TGDS: variants seen among roughly 807,000 people sequenced by gnomAD.
TGDS encodes the protein TDP-glucose 4,6-dehydratase, also known as UDP-D-glucose 4,6-dehydratase.
TGDS carries 47 observed loss-of-function variants against 52.3 expected under a neutral mutation model. The observed-to-expected ratio is 0.90, with a 90% confidence interval of 0.71 to 1.15. The LOEUF (loss-of-function observed/expected upper bound fraction) is 1.15. Among genes scored for constraint, TGDS ranks in the 50% most tolerant of loss-of-function variants. The probability of loss-of-function intolerance (pLI) is 0.00; values close to 1 mark genes in which losing one functional copy is unlikely to be tolerated. For missense variants in TGDS, 375 were observed against 418.4 expected (o/e 0.90, Z 0.90); for synonymous variants, 115 against 136.9 (o/e 0.84, Z 1.12).
chr13:94,590,976 GT>G, intron 3 of TGDS, 33 bp from the exon 4 acceptor site: 2 of 1,450,360 alleles, frequency 1.4e-6, no homozygotes, highest in Non-Finnish European at 1.9e-6. Flanking sequence ...AAGGGCCTAG[GT>G]TTCATACAGC....
intron 4 of TGDS, among the ~76,000 whole-genome samples, chr13:94,589,319 C>CTTTT (rs36115215): frequency 2.7e-5 from 4 of 146,610 alleles, no homozygotes; most frequent in African/African-American, 7.5e-5. Context: ...CAAAAGATTT[C>CTTTT]TTTTTTTTTT....
chr13:94,586,756 T>A (rs995696794), intron 4 of TGDS, among the ~76,000 whole-genome samples: 12 of 109,822 alleles, frequency 1.1e-4, no homozygotes, highest in East Asian at 2.0e-4. Context: ...AAATTATTTT[T>A]TTTTTTTTTT....
chr13:94,590,830 CTG>C (rs1334892650), intron 4 of TGDS, 21 bp downstream of exon 4: 1 of 1,534,506 alleles, frequency 6.5e-7, no homozygotes, highest in Non-Finnish European at 8.7e-7. Flanking sequence ...CCAATCATAA[CTG>C]TAACATAAAA....
intron 1 of TGDS, 122 bp downstream of exon 1, chr13:94,595,929 C>G (rs995823623): frequency 7.4e-5 from 80 of 1,080,458 alleles, no homozygotes; most frequent in Non-Finnish European, 1.0e-4. Flanking sequence ...CATTAGGACC[C>G]TCCCCATATC....
At chr13:94,594,834 T>C (rs1889322691) in intron 1 of TGDS, among the ~76,000 whole-genome samples, 1 of 152,118 alleles carries the variant, frequency 6.6e-6, no homozygotes, top group Non-Finnish European at 1.5e-5. Context: ...TTCCCACTTC[T>C]TCCACTAGCC....
At chr13:94,579,305 CAA>C (rs1006016330) in intron 7 of TGDS, 7 of 152,504 alleles carry the variant, frequency 4.6e-5, no homozygotes, top group African/African-American at 1.7e-4. Flanking sequence ...GCAGAGTAGC[CAA>C]AGTTATATAA....
intron 4 of TGDS, among the ~76,000 whole-genome samples, chr13:94,586,758 T>C (rs866462691): frequency 0.13 from 18,308 of 141,214 alleles, 3,360 homozygotes; most frequent in African/African-American, 0.43. Context: ...ATTATTTTTT[T>C]TTTTTTTTTT....
chr13:94,592,232 T>C lies in TGDS; in HGVS notation c.222+9A>G. The C allele has an allele frequency of 6.3e-7, 1 of 1,593,598 alleles. No individual in the cohort carries two copies. On this transcript the variant is annotated intron_variant, in intron 3 of 11. Transcript: ENST00000261296. ...GAGGCACGGTACAGTTACAAGAAAA[T>C]GTTCATACCTGTATAAATTTGTAGT...
At chr13:94,586,840 C>T (rs1889006905) in intron 4 of TGDS, among the ~76,000 whole-genome samples, 1 of 149,998 alleles carries the variant, frequency 6.7e-6, no homozygotes, top group Admixed American at 6.7e-5. Context: ...CTCACTGCAA[C>T]CGCCACCTCT....
chr13:94,578,748 A>G lies in TGDS; in HGVS notation c.641T>C (p.Leu214Pro). 1 of 1,531,946 alleles carries G rather than the reference A, an allele frequency of 6.5e-7. No homozygotes were observed. Among genetic ancestry groups the G allele is most frequent in the South Asian group, 1.1e-5 (1 of 88,320 alleles). 94.9% of individuals were successfully genotyped at this position (1,531,946 alleles called of 1,614,324 possible). A position where few individuals can be genotyped will look rare whatever the true frequency, so the allele number is the denominator to read the frequency against. Residue 214 changes from leucine (L) to proline (P), a missense_variant, in exon 8 of 12, where the codon CTA (leucine) becomes CCA (proline). Coordinates refer to ENST00000261296, the MANE Select transcript of TGDS (RefSeq NM_014305.4). ...EKVIPKFISL[L>P]QHNRKCCIHG... ...AACATACCATTTCCTGTTGTGCTGT[A>G]GCAAAGATATAAATTTTGGAATAAC... is the stretch of plus-strand genomic sequence containing the variant.
Position 94,578,014 on chromosome 13 carries a change from T to G in TGDS, c.816A>C (p.Leu272=). Residue 272 remains leucine, a synonymous_variant, in exon 9 of 12, where the codon CTA becomes CTC. Transcript: ENST00000261296. ...EMSVVQLAKE[L]IQLIKETNSE... ...TAAAACAGATACATACCAGTTGTAT[T>G]AGTTCTTTGGCAAGCTGGACAACTG... 1 of 1,613,730 alleles carries G rather than the reference T, an allele frequency of 6.2e-7. No homozygotes were observed. The highest frequency in any genetic ancestry group is 8.5e-7 in the Non-Finnish European group (1 of 1,179,794).
intron 1 of TGDS, 65 bp from the exon 2 acceptor site, chr13:94,593,972 C>T: frequency 9.6e-7 from 1 of 1,042,606 alleles, no homozygotes; most frequent in Non-Finnish European, 1.4e-6. Context: ...TGAATATTTT[C>T]CTAAGGTGTT....
At chr13:94,578,885 A>G in intron 7 of TGDS, 112 bp from the exon 8 acceptor site, 4 of 580,240 alleles carry the variant, frequency 6.9e-6, no homozygotes, top group Non-Finnish European at 1.2e-5. Context: ...GATTGCTTCT[A>G]ATTATTTTTA....
Position 94,574,509 on chromosome 13 carries a change from T to C in TGDS, c.*273A>G, listed in dbSNP as rs1888527223. 4 of 301,150 alleles carry C rather than the reference T, an allele frequency of 1.3e-5. No individual in the cohort carries two copies. In the South Asian group the frequency reaches 3.4e-4, roughly 26 times the overall value. 18.7% of individuals were successfully genotyped at this position (301,150 alleles called of 1,614,324 possible). On this transcript the variant is annotated 3_prime_UTR_variant, in exon 12 of 12. Transcript: ENST00000261296. ...ATGGTTGTCCGAATCAGGAGACTTC[T>C]TCCTGGCTACCCTTAGGGAGAGTCT...
At position 94,590,906 on chromosome 13, in the gene TGDS, A is replaced by G; in HGVS notation, c.260T>C (p.Phe87Ser). ...ICDSHFVKLL[F>S]ETEKIDIVLH... ...TACTATATCTATTTTCTCTGTTTCA[A>G]AAAGCAGTTTCACAAAGTGAGAATC... The change falls in exon 4 of 12, where the codon TTT (phenylalanine) becomes TCT (serine). Residue 87 changes from phenylalanine (F) to serine (S), a missense_variant. Coordinates refer to ENST00000261296, the MANE Select transcript of TGDS (RefSeq NM_014305.4). 1 of 1,573,980 alleles carries G rather than the reference A, an allele frequency of 6.4e-7. No homozygotes were observed. Among genetic ancestry groups the G allele is most frequent in the Non-Finnish European group, 8.6e-7 (1 of 1,167,168 alleles).
chr13:94,576,781 ATAAG>A (rs1344535689), intron 10 of TGDS, among the ~76,000 whole-genome samples: 14 of 152,318 alleles, frequency 9.2e-5, no homozygotes, highest in Admixed American at 9.1e-4. Flanking sequence ...CACATTATAA[ATAAG>A]TGTTAGAATA....
At position 94,576,575 on chromosome 13, in the gene TGDS, T is replaced by A. The variant is rs137936306; in HGVS notation, c.885-164A>T. On this transcript the variant is annotated intron_variant, in intron 10 of 11. Transcript: ENST00000261296. Reference sequence around the variant, plus strand: ...AAGTCTGTAAAATCAAGTATATATTTAAAAAAAAAAAGTCACCCATAATGC... The same window carrying A: ...AAGTCTGTAAAATCAAGTATATATTAAAAAAAAAAAAGTCACCCATAATGC... Among the ~76,000 whole-genome samples the A allele has an allele frequency of 0.012, 1,780 of 147,238 alleles. 36 individuals are homozygous for A. Among genetic ancestry groups the A allele is most frequent in the African/African-American group, 0.041 (1,674 of 40,384 alleles).
chr13:94,589,862 G>A (rs1889129291), intron 4 of TGDS, among the ~76,000 whole-genome samples: 2 of 152,102 alleles, frequency 1.3e-5, no homozygotes. Flanking sequence ...TTTGGAACAT[G>A]TTTTGACATT....
intron 1 of TGDS, among the ~76,000 whole-genome samples, chr13:94,594,262 C>A (rs1474416986): frequency 6.6e-6 from 1 of 152,166 alleles, no homozygotes; most frequent in Admixed American, 6.5e-5. Context: ...ACTGTACATG[C>A]CTATAGCATG....
Sources: gnomAD v4.1 joint callset for allele counts (sites outside exome capture counted in the v4.1 genomes callset) on GRCh38, gnomAD v4.1.1 for gene constraint, MANE v1.5 for transcripts, NCBI Gene and HGNC (gene_info 2026-07-23, HGNC 2026-07-21) for gene names.